PCDHGB6: variants seen among roughly 807,000 people sequenced by gnomAD.
The protein encoded by PCDHGB6 is protocadherin gamma subfamily B, 6.
A neutral mutation model predicts 59.1 loss-of-function variants in PCDHGB6; 51 were observed. The ratio of observed to expected loss-of-function variants is 0.86; its 90% CI spans 0.69 to 1.09. The LOEUF is 1.09. PCDHGB6 is among the 50% of genes least tolerant of loss of function. PCDHGB6 has a pLI of 0.00. For synonymous variants in PCDHGB6, 466 were observed against 495.1 expected (o/e 0.94, Z 0.78); for missense variants, 1,148 against 1,205.1 (o/e 0.95, Z 0.70).
rs1193497090 is a variant in PCDHGB6 at position 141,485,890 on chromosome 5, C to T, written c.2419-8917C>T. On this transcript the variant is annotated intron_variant, in intron 1 of 3. Coordinates refer to ENST00000520790, the MANE Select transcript of PCDHGB6 (RefSeq NM_018926.3). This position sits in a 1 kb window ranked among gnomAD's most constrained non-coding sequence, Gnocchi z 5.7. ...CCGTGCTGGACGTAAACGACAACGC[C>T]CCAGCCTTCCAGCAATCCAGCTACA... The T allele has an allele frequency of 6.2e-6, 10 of 1,614,156 alleles. No homozygotes were observed. Among genetic ancestry groups the T allele is most frequent in the Non-Finnish European group, 6.8e-6 (8 of 1,180,022 alleles).
intron 1 of PCDHGB6, chr5:141,423,463 G>C (rs772779471): frequency 1.2e-6 from 2 of 1,613,874 alleles, no homozygotes; most frequent in South Asian, 2.2e-5. Context: ...AGGCGTGGAC[G>C]GGGTACAGGC....
chr5:141,427,711 A>T, intron 1 of PCDHGB6: 1 of 1,036,498 alleles, frequency 9.6e-7, no homozygotes, highest in Non-Finnish European at 1.5e-6. Context: ...AGCGCCTCTG[A>T]CCTGGACCTA....
intron 1 of PCDHGB6, chr5:141,478,670 C>G: frequency 6.4e-7 from 1 of 1,551,664 alleles, no homozygotes; most frequent in East Asian, 2.4e-5. Flanking sequence ...TTCACACTTT[C>G]AACTGGCCCT....
intron 1 of PCDHGB6, chr5:141,479,521 T>C (rs4912607): frequency 0.2 from 30,680 of 152,154 alleles, 3,215 homozygotes; most frequent in Admixed American, 0.29. Flanking sequence ...CTGGCCCAGG[T>C]TGGAAGTGGA....
At chr5:141,416,497 T>G (rs1426816820) in intron 1 of PCDHGB6, 3 of 152,116 alleles carry the variant, frequency 2.0e-5, no homozygotes, top group Non-Finnish European at 4.4e-5. Context: ...GAGCAAGAGA[T>G]ATATGACAAA....
chr5:141,510,621 A>G (rs1317150967), intron 3 of PCDHGB6, among the ~76,000 whole-genome samples: 1 of 152,176 alleles, frequency 6.6e-6, no homozygotes, highest in Non-Finnish European at 1.5e-5. Flanking sequence ...CACTAAAACC[A>G]GAAGAGGTGG....
rs145936007 is a variant in PCDHGB6, at chr5:141,490,795, C to T, written c.2419-4012C>T. 2.0e-5 allele frequency: 33 copies of T among 1,614,036 alleles called. No homozygotes were observed. Among genetic ancestry groups the T allele is most frequent in the Non-Finnish European group, 2.8e-5 (33 of 1,179,922 alleles). ...CCCAGAGGATGGACGGATCTTTGCC[C>T]AGCGTACCTTTGACTATGAATTGCT... On this transcript the variant is annotated intron_variant, in intron 1 of 3. Coordinates refer to ENST00000520790, the MANE Select transcript of PCDHGB6 (RefSeq NM_018926.3). This position sits in a 1 kb window ranked among gnomAD's most constrained non-coding sequence, Gnocchi z 5.4.
At chr5:141,496,869 A>G (rs2099772006) in intron 2 of PCDHGB6, among the ~76,000 whole-genome samples, 1 of 150,116 alleles carries the variant, frequency 6.7e-6, no homozygotes, top group African/African-American at 2.5e-5. Context: ...GAGACTGAAA[A>G]TTTGCAACAA....
chr5:141,481,288 A>AGTC (rs2099535099), intron 1 of PCDHGB6, among the ~76,000 whole-genome samples: 1 of 152,188 alleles, frequency 6.6e-6, no homozygotes, highest in Admixed American at 6.5e-5. Flanking sequence ...ATGGTATTTC[A>AGTC]GTCATCTAAG....
At chr5:141,502,356 G>C (rs1443285213) in intron 2 of PCDHGB6, among the ~76,000 whole-genome samples, 4 of 151,838 alleles carry the variant, frequency 2.6e-5, no homozygotes. Flanking sequence ...TAATGACATG[G>C]ATATTTTTAA....
chr5:141,457,058 T>A (rs756862311), intron 1 of PCDHGB6, among the ~76,000 whole-genome samples: 2 of 152,230 alleles, frequency 1.3e-5, no homozygotes, highest in Non-Finnish European at 2.9e-5. Flanking sequence ...TCATGCTTCC[T>A]TTTTGCCAGT....
At chr5:141,503,598 C>CTAA (rs2099824827) in intron 2 of PCDHGB6, among the ~76,000 whole-genome samples, 2 of 65,752 alleles carry the variant, frequency 3.0e-5, no homozygotes, top group African/African-American at 9.3e-5. Flanking sequence ...GACTCCAGCT[C>CTAA]AAAAAAAAAA....
At chr5:141,422,044 G>C in intron 1 of PCDHGB6, 1 of 1,611,530 alleles carries the variant, frequency 6.2e-7, no homozygotes, top group Admixed American at 1.7e-5. Flanking sequence ...TCCAGACGAG[G>C]GAATCAACGG....
intron 1 of PCDHGB6, chr5:141,479,750 G>T: frequency 6.6e-6 from 1 of 152,310 alleles, no homozygotes. Context: ...CAATGTGAAA[G>T]GTAGATAAAT....
At chr5:141,419,723 C>A in intron 1 of PCDHGB6, 6 of 1,613,292 alleles carry the variant, frequency 3.7e-6, no homozygotes, top group Non-Finnish European at 5.1e-6. Flanking sequence ...CCTGGGGCTG[C>A]GAACAGGCGA....
intron 1 of PCDHGB6, chr5:141,479,313 G>C (rs926148640): frequency 2.0e-5 from 3 of 152,456 alleles, no homozygotes; most frequent in Non-Finnish European, 2.9e-5. Context: ...AAAACATAAA[G>C]TAGCCAGACT....
chr5:141,410,364 C>A lies in PCDHGB6; in HGVS notation c.2162C>A (p.Pro721His). 6.2e-7 allele frequency: 1 copy of A among 1,614,064 alleles called. No homozygotes were observed. The highest frequency in any genetic ancestry group is 8.5e-7 in the Non-Finnish European group (1 of 1,179,912). ...TTGCGCCTGCGACGCTCTCTCAGCC[C>A]TGCTACTTGGGACTGCTTCCATCCT... is the stretch of plus-strand genomic sequence containing the variant. ...IALRLRRSLS[P>H]ATWDCFHPGL... The change falls in exon 1 of 4, where the codon CCT becomes CAT. Residue 721 changes from proline to histidine, a missense_variant. This residue lies in a region of PCDHGB6 where 283 missense variants were observed against 318.6 expected (regional missense o/e 0.89). Coordinates refer to ENST00000520790, the MANE Select transcript of PCDHGB6 (RefSeq NM_018926.3).
Position 141,485,575 on chromosome 5 carries a change from G to C in PCDHGB6, c.2419-9232G>C, listed in dbSNP as rs1200831125. On this transcript the variant is annotated intron_variant, in intron 1 of 3. Coordinates refer to ENST00000520790, the MANE Select transcript of PCDHGB6 (RefSeq NM_018926.3). This position sits in a 1 kb window ranked among gnomAD's most constrained non-coding sequence, Gnocchi z 5.7. ...TGAATGATCACGCCCCCCGTTTTCC[G>C]CGGCAGCAGCTGGACTTGGAAATTG... 2 of 1,612,496 alleles carry C rather than the reference G, an allele frequency of 1.2e-6. No homozygotes were observed. The highest frequency in any genetic ancestry group is 2.7e-5 in the African/African-American group (2 of 74,918).
At position 141,487,148 on chromosome 5, in the gene PCDHGB6, G is replaced by A; in HGVS notation, c.2419-7659G>A. ...TGGTAGTCCACCACTCTCTACCTCT[G>A]TTACTCTCTTAGTGTCCTTAGAGGA... On this transcript the variant is annotated intron_variant, in intron 1 of 3. Transcript: ENST00000520790. This position sits in a 1 kb window ranked among gnomAD's most constrained non-coding sequence, Gnocchi z 5.0. The A allele has an allele frequency of 6.2e-7, 1 of 1,614,042 alleles. No homozygotes were observed. The highest frequency in any genetic ancestry group is 8.5e-7 in the Non-Finnish European group (1 of 1,179,922).
Sources: allele counts gnomAD v4.1 joint callset (sites outside exome capture counted in the v4.1 genomes callset), GRCh38; gene constraint gnomAD v4.1.1; regional missense constraint gnomAD v4.1.1; non-coding constraint Gnocchi (gnomAD v3.1); transcripts MANE v1.5; gene names NCBI Gene and HGNC (gene_info 2026-07-23, HGNC 2026-07-21).